RBM44: variants seen among roughly 807,000 people sequenced by gnomAD.
RBM44 encodes the protein RNA binding motif protein 44, also known as RNA-binding protein 44.
In RBM44, 66 loss-of-function variants were observed where a neutral mutation model predicts 105.1. That is an observed-to-expected ratio of 0.63 (90% CI 0.52 to 0.77). The LOEUF (loss-of-function observed/expected upper bound fraction) is 0.77. Ranked by LOEUF, RBM44 falls within the 30% of genes least tolerant of loss-of-function variation. The probability of loss-of-function intolerance (pLI) is 0.00; values close to 1 mark genes in which losing one functional copy is unlikely to be tolerated. For synonymous variants in RBM44, 365 were observed against 417.6 expected, an observed-to-expected ratio of 0.87 and a Z score of 1.54; for missense variants, 1,122 against 1,207.8, an observed-to-expected ratio of 0.93 and a Z score of 1.05.
rs77878354 is a variant in RBM44, at chr2:237,821,379, G to T, written c.2120+11G>T. 6.5e-7 allele frequency: 1 copy of T among 1,543,320 alleles called. No homozygotes were observed. Among genetic ancestry groups the T allele is most frequent in the Non-Finnish European group, 8.8e-7 (1 of 1,139,606 alleles). ...AAAAGAAACACATGTGTGAGTTATG[G>T]TTTCATTTGATTTATAATTCATTAG... On this transcript the variant is annotated intron_variant, in intron 7 of 15. Transcript: ENST00000316997.
intron 1 of RBM44, among the ~76,000 whole-genome samples, chr2:237,802,176 A>C (rs1202818050): frequency 6.6e-6 from 1 of 152,170 alleles, no homozygotes; most frequent in Non-Finnish European, 1.5e-5. Flanking sequence ...TAATCCTTAG[A>C]CTAGGTTAAG....
chr2:237,804,803 T>C (rs1037928246), intron 1 of RBM44, among the ~76,000 whole-genome samples: 3 of 152,212 alleles, frequency 2.0e-5, no homozygotes, highest in African/African-American at 7.2e-5. Flanking sequence ...TTAGTTTAAT[T>C]AGGTGCCACT....
At chr2:237,836,818 A>G (rs2061964428) in intron 15 of RBM44, among the ~76,000 whole-genome samples, 2 of 151,880 alleles carry the variant, frequency 1.3e-5, no homozygotes, top group African/African-American at 4.8e-5. Context: ...TTGTAGAGAC[A>G]GGGTCTCACC....
At chr2:237,809,802 C>G (rs537183092) in intron 1 of RBM44, among the ~76,000 whole-genome samples, 2 of 152,176 alleles carry the variant, frequency 1.3e-5, no homozygotes, top group Admixed American at 1.3e-4. Flanking sequence ...TACAGTGGCT[C>G]ATGCCTGTAA....
chr2:237,823,570 T>C lies in RBM44; in HGVS notation c.2320+16T>C. On this transcript the variant is annotated intron_variant, in intron 9 of 15. Transcript: ENST00000316997. ...GGTGATAAAGGTTAGTATAAAAATG[T>C]GTTATCTTGTATAGTTGCTGGAAAA... The C allele has an allele frequency of 1.8e-6, 2 of 1,131,504 alleles. No homozygotes were observed. The highest frequency in any genetic ancestry group is 3.1e-5 in the African/African-American group (2 of 64,788). The allele number at this position is 1,131,504 out of a possible 1,614,324, so 70.1% of individuals were successfully genotyped here.
rs777732399 is a variant in RBM44 at position 237,816,979 on chromosome 2, CT to C, written c.74-7del. 29 of 1,426,590 alleles carry C rather than the reference CT, an allele frequency of 2.0e-5. No individual in the cohort carries two copies. The highest frequency in any genetic ancestry group is 5.0e-5 in the Admixed American group (2 of 39,768). The allele number at this position is 1,426,590 out of a possible 1,614,324, so 88.4% of individuals were successfully genotyped here. ...TAATGTTGCTGTTAATGTTTTTATC[CT>C]TTTTTTAATCAGATAAACCTTCAAA... On this transcript the variant is annotated splice_polypyrimidine_tract_variant and intron_variant, in intron 2 of 15. Transcript: ENST00000316997.
intron 2 of RBM44, among the ~76,000 whole-genome samples, chr2:237,816,682 G>T (rs942475967): frequency 1.3e-4 from 20 of 152,088 alleles, no homozygotes; most frequent in Non-Finnish European, 1.6e-4. Flanking sequence ...ATGAGAGAAG[G>T]GGGAGGCAAG....
chr2:237,811,425 T>C (rs2061656779), intron 1 of RBM44, among the ~76,000 whole-genome samples: 1 of 152,076 alleles, frequency 6.6e-6, no homozygotes, highest in Non-Finnish European at 1.5e-5. Context: ...CAAGCCACCA[T>C]GCCTGGCTAA....
At position 237,836,736 on chromosome 2, in the gene RBM44, C is replaced by T. The variant is rs528810630; in HGVS notation, c.*22+2313C>T. 1.0e-3 allele frequency among the ~76,000 whole-genome samples: 152 copies of T among 150,042 alleles called. 1 individual carries two copies. The South Asian group carries it at 0.017, about 17-fold the overall frequency. On this transcript the variant is annotated intron_variant, in intron 15 of 15. Coordinates refer to ENST00000316997, the MANE Select transcript of RBM44 (RefSeq NM_001080504.3). Reference sequence around the variant, plus strand: ...CAGAGGTTGCAGTGAGCTGAGATTGCGCCACTGCACTACAGCCTGGCGACA... The same window carrying T: ...CAGAGGTTGCAGTGAGCTGAGATTGTGCCACTGCACTACAGCCTGGCGACA...
chr2:237,829,934 C>T (rs1019971331), intron 13 of RBM44, among the ~76,000 whole-genome samples: 4 of 152,078 alleles, frequency 2.6e-5, no homozygotes, highest in African/African-American at 9.7e-5. Flanking sequence ...TTGCCTTGTT[C>T]AGTCTTTTCT....
At chr2:237,835,333 A>G (rs2061948749) in intron 15 of RBM44, among the ~76,000 whole-genome samples, 1 of 152,210 alleles carries the variant, frequency 6.6e-6, no homozygotes, top group South Asian at 2.1e-4. Context: ...AGGGAAAGAA[A>G]GAGTCACATT....
chr2:237,816,935 T>G (rs1181670139), intron 2 of RBM44, 58 bp from the exon 3 acceptor site: 1 of 1,079,050 alleles, frequency 9.3e-7, no homozygotes, highest in Admixed American at 3.0e-5. Context: ...TCTAAGGTTT[T>G]TCTAGTGTCT....
chr2:237,835,469 G>C (rs2061950124), intron 15 of RBM44, among the ~76,000 whole-genome samples: 1 of 152,190 alleles, frequency 6.6e-6, no homozygotes, highest in South Asian at 2.1e-4. Context: ...TTAGCCACGT[G>C]GTTCATTGTC....
chr2:237,813,534 A>G (rs1231403059), intron 1 of RBM44, 58 bp from the exon 2 acceptor site: 2 of 911,534 alleles, frequency 2.2e-6, no homozygotes, highest in East Asian at 5.5e-5. Flanking sequence ...TCCTTTATGT[A>G]GTTGTCAATT....
At chr2:237,823,331 C>A (rs1036703495) in intron 8 of RBM44, 109 bp from the exon 9 acceptor site, 2 of 557,858 alleles carry the variant, frequency 3.6e-6, no homozygotes, top group Admixed American at 3.4e-5. Context: ...CCTTTCAGAG[C>A]CCTCATTACT....
rs1305509829 is a variant in RBM44, at chr2:237,841,864, C to T, written c.*48C>T. 6.6e-6 allele frequency: 1 copy of T among 152,116 alleles called. No individual in the cohort carries two copies. Among genetic ancestry groups the T allele is most frequent in the Admixed American group, 6.5e-5 (1 of 15,272 alleles). 9.4% of individuals were successfully genotyped at this position (152,116 alleles called of 1,614,324 possible). ...AACTTCCTTGGAAAGTGTGTTTCCT[C>T]CTTCAGAGAATGTTCTACAGCACTT... is the stretch of plus-strand genomic sequence containing the variant. On this transcript the variant is annotated 3_prime_UTR_variant, in exon 16 of 16. Transcript: ENST00000316997. This position sits in a 1 kb window ranked among gnomAD's most constrained non-coding sequence, Gnocchi z 4.5.
chr2:237,824,425 T>G lies in RBM44; in HGVS notation c.2449+6T>G. 3 of 1,610,616 alleles carry G rather than the reference T, an allele frequency of 1.9e-6. No homozygotes were observed. The highest frequency in any genetic ancestry group is 2.5e-6 in the Non-Finnish European group (3 of 1,177,912). ...GAATTTGGATCTTACAGGAGGTTGG[T>G]TCTCAAGAATTTACCGAGAAATCCT... On this transcript the variant is annotated splice_donor_region_variant and intron_variant, in intron 10 of 15. Coordinates refer to ENST00000316997, the MANE Select transcript of RBM44 (RefSeq NM_001080504.3).
chr2:237,827,538 A>G lies in RBM44; in HGVS notation c.2600+35A>G, dbSNP rs756794773. 2.9e-5 allele frequency: 34 copies of G among 1,177,242 alleles called. No individual in the cohort carries two copies. The South Asian group carries it at 4.4e-4, about 15-fold the overall frequency. The allele number at this position is 1,177,242 out of a possible 1,614,324, so 72.9% of individuals were successfully genotyped here. On this transcript the variant is annotated intron_variant, in intron 12 of 15. Coordinates refer to ENST00000316997, the MANE Select transcript of RBM44 (RefSeq NM_001080504.3). The stretch of plus-strand genomic sequence containing the variant: ...CCAACTTTAATCAATGTGCATTATT[A>G]TGTGTCTGCTGTTTGCCAAAGGTTC...
Position 237,820,158 on chromosome 2 carries a change from A to G in RBM44, c.1737-17A>G. On this transcript the variant is annotated splice_polypyrimidine_tract_variant and intron_variant, in intron 4 of 15. Transcript: ENST00000316997. The stretch of plus-strand genomic sequence containing the variant: ...AATGTTTGGAATCTTACCTGATCCT[A>G]TCTTTTATTTTTAAAGGGAATTTCA... 1 of 1,349,952 alleles carries G rather than the reference A, an allele frequency of 7.4e-7. No individual in the cohort carries two copies. The highest frequency in any genetic ancestry group is 1.0e-6 in the Non-Finnish European group (1 of 1,004,684). The allele number at this position is 1,349,952 out of a possible 1,614,324, so 83.6% of individuals were successfully genotyped here.
Sources: allele counts gnomAD v4.1 joint callset (sites outside exome capture counted in the v4.1 genomes callset), GRCh38; gene constraint gnomAD v4.1.1; non-coding constraint Gnocchi (gnomAD v3.1); transcripts MANE v1.5; gene names NCBI Gene and HGNC (gene_info 2026-07-23, HGNC 2026-07-21).